SOX5: variants seen among roughly 807,000 people sequenced by gnomAD.
SOX5 encodes SRY-box transcription factor 5, also known as transcription factor SOX-5.
In SOX5, 9 loss-of-function variants were observed where a neutral mutation model predicts 92.0. The observed-to-expected ratio is 0.10, with a 90% CI of 0.06 to 0.17. The LOEUF (loss-of-function observed/expected upper bound fraction) is 0.17, where lower values mean the gene tolerates loss of function less well. Ranked by LOEUF, SOX5 falls within the 10% of genes least tolerant of loss-of-function variation. The pLI is 1.00. For synonymous variants in SOX5, 344 were observed against 336.3 expected (o/e 1.02, Z -0.25); for missense variants, 642 against 944.5 (o/e 0.68, Z 4.20).
chr12:23,773,514 G>A (rs561930456), intron 3 of SOX5, among the ~76,000 whole-genome samples: 1 of 152,240 alleles, frequency 6.6e-6, no homozygotes, highest in South Asian at 2.1e-4. Context: ...TAGGACTACA[G>A]GCACGTGCCA....
At chr12:23,916,541 G>A (rs938660837) in intron 1 of SOX5, among the ~76,000 whole-genome samples, 1 of 152,050 alleles carries the variant, frequency 6.6e-6, no homozygotes, top group African/African-American at 2.4e-5. Flanking sequence ...CACTGCTGTG[G>A]GTGTACTGTC....
At chr12:24,288,848 C>A (rs12313292) in intron 2 of SOX5, among the ~76,000 whole-genome samples, 2 of 151,892 alleles carry the variant, frequency 1.3e-5, no homozygotes, top group African/African-American at 4.8e-5. Flanking sequence ...TTTTTACTTG[C>A]GAAGTTTTTC....
At chr12:23,707,339 C>T (rs115854704) in intron 6 of SOX5, among the ~76,000 whole-genome samples, 256 of 152,240 alleles carry the variant, frequency 1.7e-3, no homozygotes, top group African/African-American at 6.0e-3. Context: ...TTTAAGAGTA[C>T]TTCTAAATCA....
At chr12:24,047,392 A>G (rs1308008022) in intron 4 of SOX5, among the ~76,000 whole-genome samples, 1 of 152,252 alleles carries the variant, frequency 6.6e-6, no homozygotes, top group Non-Finnish European at 1.5e-5. Context: ...TTGCACACAG[A>G]AAATTATTTC....
chr12:23,569,884 T>G (rs549175718), intron 10 of SOX5, among the ~76,000 whole-genome samples: 78 of 152,364 alleles, frequency 5.1e-4, no homozygotes, highest in African/African-American at 1.9e-3. Flanking sequence ...TGCATTTGTC[T>G]TTCATAGTGG....
chr12:24,402,787 A>T (rs1030884088), intron 1 of SOX5, among the ~76,000 whole-genome samples: 2 of 152,122 alleles, frequency 1.3e-5, no homozygotes, highest in Non-Finnish European at 2.9e-5. Context: ...GCAGAAACAC[A>T]ATTTAGGGTC....
chr12:24,241,132 T>C (rs901460680), intron 3 of SOX5, among the ~76,000 whole-genome samples: 1 of 152,168 alleles, frequency 6.6e-6, no homozygotes, highest in Non-Finnish European at 1.5e-5. Context: ...TTAAGGTTCA[T>C]AGTCAAAATT....
At chr12:23,886,585 TA>T (rs1733550565) in intron 2 of SOX5, among the ~76,000 whole-genome samples, 2 of 151,984 alleles carry the variant, frequency 1.3e-5, no homozygotes, top group African/African-American at 4.8e-5. Flanking sequence ...GAAAGTGTAA[TA>T]AAAAATAATG....
At chr12:24,434,660 G>A (rs1939052906) in intron 1 of SOX5, among the ~76,000 whole-genome samples, 1 of 152,068 alleles carries the variant, frequency 6.6e-6, no homozygotes, top group African/African-American at 2.4e-5. Context: ...TCATGATAGT[G>A]AGCTGTCCTG....
At chr12:23,910,797 G>A (rs140809748) in intron 1 of SOX5, among the ~76,000 whole-genome samples, 189 of 152,222 alleles carry the variant, frequency 1.2e-3, no homozygotes, top group Non-Finnish European at 2.3e-3. Context: ...GGGGTAAAAT[G>A]TGATTTCTTC....
intron 4 of SOX5, among the ~76,000 whole-genome samples, chr12:24,022,929 A>T (rs945720167): frequency 6.6e-6 from 1 of 151,994 alleles, no homozygotes; most frequent in Non-Finnish European, 1.5e-5. Flanking sequence ...GGTAAAAAAA[A>T]AAAACTGGCA....
chr12:23,537,852 A>T (rs1591843418), intron 13 of SOX5, among the ~76,000 whole-genome samples: 1 of 152,142 alleles, frequency 6.6e-6, no homozygotes, highest in East Asian at 1.9e-4. Flanking sequence ...GGTGAGTGTT[A>T]CAGTTCTCAA....
At chr12:24,284,850 C>T (rs142540004) in intron 2 of SOX5, among the ~76,000 whole-genome samples, 431 of 152,306 alleles carry the variant, frequency 2.8e-3, no homozygotes, top group African/African-American at 9.3e-3. Context: ...TCAGGCTGAG[C>T]GTGGTGGCTT....
intron 4 of SOX5, among the ~76,000 whole-genome samples, chr12:24,166,487 G>C (rs1297474942): frequency 4.6e-5 from 7 of 152,170 alleles, no homozygotes; most frequent in African/African-American, 9.7e-5. Flanking sequence ...CAGTGAGAGA[G>C]AGCGAGCATT....
At chr12:24,244,971 C>G (rs1294279324) in intron 3 of SOX5, among the ~76,000 whole-genome samples, 2 of 152,172 alleles carry the variant, frequency 1.3e-5, no homozygotes, top group Non-Finnish European at 2.9e-5. Flanking sequence ...AGGCGTGAGT[C>G]ACTGCACCTG....
intron 3 of SOX5, among the ~76,000 whole-genome samples, chr12:24,272,031 CAG>C (rs1383869151): frequency 4.0e-5 from 6 of 151,750 alleles, no homozygotes; most frequent in African/African-American, 1.5e-4. Flanking sequence ...AAGACAAAAA[CAG>C]AATATTTATT....
chr12:23,661,358 A>G lies in SOX5; in HGVS notation c.931+4086T>C, dbSNP rs547260149. ...AAATATGTACTCTAAAGAAATAGCA[A>G]TGATCCTGAACATGGGGTGCAAAGA... On this transcript the variant is annotated intron_variant, in intron 7 of 14. Coordinates refer to ENST00000451604, the MANE Select transcript of SOX5 (RefSeq NM_006940.6). Among the ~76,000 whole-genome samples the G allele has an allele frequency of 2.3e-4, 35 of 152,306 alleles. No individual in the cohort carries two copies. The South Asian group carries it at 7.2e-3, about 32-fold the overall frequency.
intron 2 of SOX5, among the ~76,000 whole-genome samples, chr12:23,862,604 A>G (rs1305571798): frequency 6.6e-6 from 1 of 152,218 alleles, no homozygotes; most frequent in African/African-American, 2.4e-5. Context: ...CATTGAAAGT[A>G]GTAGGTGCCA....
intron 4 of SOX5, among the ~76,000 whole-genome samples, chr12:24,073,347 C>G (rs372121667): frequency 5.3e-5 from 8 of 152,136 alleles, no homozygotes; most frequent in Non-Finnish European, 7.4e-5. Context: ...AACATAAAAA[C>G]CGACACATGC....
Sources: allele counts gnomAD v4.1 joint callset (sites outside exome capture counted in the v4.1 genomes callset), GRCh38; gene constraint gnomAD v4.1.1; transcripts MANE v1.5; gene names NCBI Gene and HGNC (gene_info 2026-07-23, HGNC 2026-07-21).